Variants in PRKAG2 observed in about 807,000 individuals in gnomAD.
PRKAG2 encodes 5'-AMP-activated protein kinase subunit gamma-2.
In PRKAG2, 26 loss-of-function variants were observed where a neutral mutation model predicts 69.6. That is an observed-to-expected ratio of 0.37 (90% CI 0.27 to 0.52). The LOEUF (loss-of-function observed/expected upper bound fraction) is 0.52, where lower values mean the gene tolerates loss of function less well. PRKAG2 is among the 20% of genes least tolerant of loss of function. PRKAG2 has a pLI of 0.90. For missense variants in PRKAG2, 557 were observed against 740.0 expected (o/e 0.75, Z 2.87); for synonymous variants, 293 against 285.0 (o/e 1.03, Z -0.28).
In PRKAG2 at chr7:151,795,143, G is replaced by T. The variant is rs59622818; in HGVS notation, c.115-8602C>A. ...ACACATGCTTGTCTTCTTCCAGCCT[G>T]TCTGAGATCCCCCAGAAGGAGGGAG... is the stretch of plus-strand genomic sequence containing the variant. On this transcript the variant is annotated intron_variant, in intron 1 of 15. Transcript: ENST00000287878. Among the ~76,000 whole-genome samples, 123 of 152,346 alleles carry T rather than the reference G, an allele frequency of 8.1e-4. 1 individual carries two copies. In the East Asian group the frequency reaches 0.021, roughly 26 times the overall value.
At chr7:151,808,507 T>G (rs1189247082) in intron 1 of PRKAG2, among the ~76,000 whole-genome samples, 1 of 151,938 alleles carries the variant, frequency 6.6e-6, no homozygotes, top group Non-Finnish European at 1.5e-5. Context: ...ACACAAGGCA[T>G]GGCTGAGCGC....
chr7:151,765,091 G>A (rs185971649), intron 3 of PRKAG2, among the ~76,000 whole-genome samples: 87 of 152,282 alleles, frequency 5.7e-4, no homozygotes, highest in Non-Finnish European at 9.6e-4. Context: ...GTGTGAGCCC[G>A]CAGTCCATCT....
At chr7:151,575,929 A>T (rs1431081064) in intron 7 of PRKAG2, among the ~76,000 whole-genome samples, 2 of 149,638 alleles carry the variant, frequency 1.3e-5, no homozygotes, top group Non-Finnish European at 3.0e-5. Context: ...AAAGGACAAC[A>T]GTGTTTGGAC....
At chr7:151,837,027 C>A (rs2079162830) in intron 1 of PRKAG2, among the ~76,000 whole-genome samples, 1 of 152,132 alleles carries the variant, frequency 6.6e-6, no homozygotes, top group Non-Finnish European at 1.5e-5. Flanking sequence ...TCCAGCTCAG[C>A]CCTGCCCTGG....
At chr7:151,762,827 G>T (rs368215417) in intron 3 of PRKAG2, among the ~76,000 whole-genome samples, 11 of 152,158 alleles carry the variant, frequency 7.2e-5, no homozygotes, top group Admixed American at 4.6e-4. Flanking sequence ...CAGAGCAGAC[G>T]GCACATTCAG....
At chr7:151,564,342 T>C (rs1041540917) in intron 13 of PRKAG2, 118 bp from the exon 14 acceptor site, 4 of 1,051,406 alleles carry the variant, frequency 3.8e-6, no homozygotes, top group Non-Finnish European at 4.4e-6. Context: ...CTGAATTTAG[T>C]ACCTGCATAC....
At position 151,582,539 on chromosome 7, in the gene PRKAG2, T is replaced by C. The variant is rs572139393; in HGVS notation, c.865-6087A>G. On this transcript the variant is annotated intron_variant, in intron 6 of 15. Transcript: ENST00000287878. Reference sequence around the variant, plus strand: ...GTTAAGAATTTAACGTGCAAAGTGGTATCTCTTCTGCAACAGAAGATAAAA... The same window carrying C: ...GTTAAGAATTTAACGTGCAAAGTGGCATCTCTTCTGCAACAGAAGATAAAA... Among the ~76,000 whole-genome samples, 22 of 152,288 alleles carry C rather than the reference T, an allele frequency of 1.4e-4. No homozygotes were observed. In the South Asian group the frequency reaches 4.4e-3, roughly 30 times the overall value.
In PRKAG2 at chr7:151,659,297, C is replaced by G. The variant is rs1190770675; in HGVS notation, c.684+16123G>C. On this transcript the variant is annotated intron_variant, in intron 4 of 15. Coordinates refer to ENST00000287878, the MANE Select transcript of PRKAG2 (RefSeq NM_016203.4). ...ATTCCTGCTCTACTGCTCTTTTTGC[C>G]TCCTGCTTCTGTTTCTCAGAAAAAT... Among the ~76,000 whole-genome samples, 13 of 152,250 alleles carry G rather than the reference C, an allele frequency of 8.5e-5. No homozygotes were observed. In the Middle Eastern group the frequency reaches 0.01, roughly 120 times the overall value.
intron 6 of PRKAG2, among the ~76,000 whole-genome samples, chr7:151,584,525 A>C (rs1435347271): frequency 6.6e-6 from 1 of 152,246 alleles, no homozygotes. Flanking sequence ...TTGAAAAAAC[A>C]ATGGGAAAAG....
chr7:151,868,913 T>C (rs1203416434), intron 1 of PRKAG2, among the ~76,000 whole-genome samples: 1 of 152,172 alleles, frequency 6.6e-6, no homozygotes, highest in Non-Finnish European at 1.5e-5. Context: ...GCCTGAAGGT[T>C]TTAGAAGATA....
At chr7:151,773,136 GAA>G (rs1363931721) in intron 3 of PRKAG2, among the ~76,000 whole-genome samples, 1 of 143,312 alleles carries the variant, frequency 7.0e-6, no homozygotes, top group Non-Finnish European at 1.5e-5. Flanking sequence ...AGGAAGGAAA[GAA>G]GGGAAGAAAG....
intron 4 of PRKAG2, among the ~76,000 whole-genome samples, chr7:151,661,735 G>C (rs1291344508): frequency 2.0e-5 from 3 of 152,160 alleles, no homozygotes; most frequent in Non-Finnish European, 4.4e-5. Flanking sequence ...CGGTGAGAGA[G>C]GCTGGGCGGT....
chr7:151,689,882 G>T (rs1367820249), intron 3 of PRKAG2, among the ~76,000 whole-genome samples: 1 of 152,196 alleles, frequency 6.6e-6, no homozygotes, highest in Non-Finnish European at 1.5e-5. Context: ...CCAGCTCCAG[G>T]AGCTCTCCTC....
chr7:151,697,820 T>C (rs1836950967), intron 3 of PRKAG2, among the ~76,000 whole-genome samples: 1 of 152,092 alleles, frequency 6.6e-6, no homozygotes, highest in Non-Finnish European at 1.5e-5. Context: ...TCCAACCTCA[T>C]CCACCCAGTG....
intron 3 of PRKAG2, among the ~76,000 whole-genome samples, chr7:151,747,938 T>C (rs1022577755): frequency 8.8e-5 from 13 of 148,412 alleles, no homozygotes; most frequent in Non-Finnish European, 1.9e-4. Flanking sequence ...TTTTTTTTTT[T>C]TGGGACAAGG....
chr7:151,691,085 T>C (rs1835589253), intron 3 of PRKAG2, among the ~76,000 whole-genome samples: 1 of 152,208 alleles, frequency 6.6e-6, no homozygotes, highest in Non-Finnish European at 1.5e-5. Flanking sequence ...CCTCTGTGTC[T>C]GCAGGGAATT....
Position 151,780,827 on chromosome 7 carries a change from A to T in PRKAG2, c.466+325T>A, listed in dbSNP as rs1051483780. ...GCTCCATGCCTGCAGTTTCCAGAGAAGGCTGGAGGCAAGTGTGTCATCTGA... is the reference window on the plus strand; with the variant it reads ...GCTCCATGCCTGCAGTTTCCAGAGATGGCTGGAGGCAAGTGTGTCATCTGA... On this transcript the variant is annotated intron_variant, in intron 3 of 15. Coordinates refer to ENST00000287878, the MANE Select transcript of PRKAG2 (RefSeq NM_016203.4). The surrounding 1 kb of genome is among the most constrained non-coding windows in gnomAD (Gnocchi z 4.2). 2.0e-5 allele frequency among the ~76,000 whole-genome samples: 3 copies of T among 152,210 alleles called. No homozygotes were observed. The highest frequency in any genetic ancestry group is 7.2e-5 in the African/African-American group (3 of 41,442).
intron 3 of PRKAG2, among the ~76,000 whole-genome samples, chr7:151,721,534 C>T (rs1267694510): frequency 6.6e-6 from 1 of 152,132 alleles, no homozygotes; most frequent in African/African-American, 2.4e-5. Context: ...CCACAGGAGG[C>T]GTGCCACCCC....
intron 3 of PRKAG2, among the ~76,000 whole-genome samples, chr7:151,681,539 C>A (rs537226803): frequency 6.6e-6 from 1 of 152,112 alleles, no homozygotes; most frequent in South Asian, 2.1e-4. Flanking sequence ...TTGACTGATA[C>A]CCGAAATGTT....
Sources: gnomAD v4.1 joint callset for allele counts (sites outside exome capture counted in the v4.1 genomes callset) on GRCh38, gnomAD v4.1.1 for gene constraint, Gnocchi (gnomAD v3.1) non-coding constraint, MANE v1.5 for transcripts, NCBI Gene and HGNC (gene_info 2026-07-23, HGNC 2026-07-21) for gene names.